The following DYNC1LI1 variants were observed in gnomAD, a reference collection of about 807,000 sequenced individuals.
DYNC1LI1 encodes the protein cytoplasmic dynein 1 light intermediate chain 1.
A neutral mutation model predicts 63.8 loss-of-function variants in DYNC1LI1; 19 were observed. The ratio of observed to expected loss-of-function variants is 0.30; its 90% CI spans 0.21 to 0.44. DYNC1LI1 has a LOEUF of 0.44. DYNC1LI1 is among the 20% of genes least tolerant of loss of function. DYNC1LI1 has a pLI of 1.00. For synonymous variants in DYNC1LI1, 225 were observed against 232.3 expected, an observed-to-expected ratio of 0.97 and a Z score of 0.28; for missense variants, 565 against 630.2, an observed-to-expected ratio of 0.90 and a Z score of 1.11.
At position 32,552,730 on chromosome 3, in the gene DYNC1LI1, G is replaced by A. The variant is rs181780354; in HGVS notation, c.221-6765C>T. Reference sequence around the variant, plus strand: ...TTGTTGTTGTTGTTGTCGTTGAGACGGAGTCTCCCTCTTTCGCCAGGCTGG... The same window carrying A: ...TTGTTGTTGTTGTTGTCGTTGAGACAGAGTCTCCCTCTTTCGCCAGGCTGG... On this transcript the variant is annotated intron_variant, in intron 2 of 12. Transcript: ENST00000273130. Among the ~76,000 whole-genome samples, 7 of 152,194 alleles carry A rather than the reference G, an allele frequency of 4.6e-5. No individual in the cohort carries two copies. In the East Asian group the frequency reaches 9.6e-4, roughly 21 times the overall value.
Position 32,570,648 on chromosome 3 carries a change from G to A in DYNC1LI1, c.123C>T (p.Asp41=). 6.3e-7 allele frequency: 1 copy of A among 1,592,790 alleles called. No individual in the cohort carries two copies. Among genetic ancestry groups the A allele is most frequent in the Non-Finnish European group, 8.5e-7 (1 of 1,170,332 alleles). ...ASGNGGAAAG[D]DEDGQNLWSC... is the part of the protein sequence containing the mutation. ...ACCAAAGGTTCTGCCCGTCCTCGTC[G>A]TCGCCTGCCGCGGCGCCACCGTTGC... is the stretch of plus-strand genomic sequence containing the variant. Residue 41 remains aspartate, a synonymous_variant, in exon 1 of 13, where the codon GAC becomes GAT. Transcript: ENST00000273130.
At position 32,570,801 on chromosome 3, in the gene DYNC1LI1, G is replaced by T; in HGVS notation, c.-31C>A. On this transcript the variant is annotated 5_prime_UTR_variant, in exon 1 of 13. Coordinates refer to ENST00000273130, the MANE Select transcript of DYNC1LI1 (RefSeq NM_016141.4). ...TCGGGAATCACACCACTCCCGGCAA[G>T]ACTAAATGTGCGAGGCGGCTGAGGC... The T allele has an allele frequency of 6.3e-7, 1 of 1,589,096 alleles. No homozygotes were observed. Among genetic ancestry groups the T allele is most frequent in the Non-Finnish European group, 8.6e-7 (1 of 1,165,562 alleles).
At chr3:32,529,695 CT>C in intron 10 of DYNC1LI1, 35 bp from the exon 11 acceptor site, 1 of 1,531,960 alleles carries the variant, frequency 6.5e-7, no homozygotes. Context: ...TTATAAAAAC[CT>C]GAAACTTTCA....
Position 32,534,718 on chromosome 3 carries a change from G to C in DYNC1LI1, c.833-72C>G, listed in dbSNP as rs1034681843. On this transcript the variant is annotated intron_variant, in intron 6 of 12. Coordinates refer to ENST00000273130, the MANE Select transcript of DYNC1LI1 (RefSeq NM_016141.4). ...AATACCATAAAATTCTGTGTTTTCA[G>C]CTTAACTTTTATTTCTATGCATTTT... is the stretch of plus-strand genomic sequence containing the variant. 4.0e-6 allele frequency: 5 copies of C among 1,249,834 alleles called. No individual in the cohort carries two copies. The African/African-American group carries it at 4.6e-5, about 12-fold the overall frequency. The allele number at this position is 1,249,834 out of a possible 1,614,324, so 77.4% of individuals were successfully genotyped here.
At chr3:32,527,010 T>C (rs1371196789) in intron 12 of DYNC1LI1, 102 bp from the exon 13 acceptor site, 1 of 763,912 alleles carries the variant, frequency 1.3e-6, no homozygotes, top group Non-Finnish European at 2.1e-6. Context: ...TTTCATTAAC[T>C]TTATTTAGCA....
At position 32,545,417 on chromosome 3, in the gene DYNC1LI1, C is replaced by G. The variant is rs574324795; in HGVS notation, c.338-311G>C. ...CATAACTTGTTTATGTTTTTACCAT[C>G]AGCAGATAGAGATATGCATACTCAA... On this transcript the variant is annotated intron_variant, in intron 3 of 12. Coordinates refer to ENST00000273130, the MANE Select transcript of DYNC1LI1 (RefSeq NM_016141.4). 6.1e-4 allele frequency: 247 copies of G among 402,906 alleles called. 5 individuals are homozygous for G. The South Asian group carries it at 7.2e-3, about 12-fold the overall frequency. 25.0% of individuals were successfully genotyped at this position (402,906 alleles called of 1,614,324 possible).
intron 2 of DYNC1LI1, among the ~76,000 whole-genome samples, chr3:32,550,581 T>C (rs1045226428): frequency 6.6e-6 from 1 of 152,204 alleles, no homozygotes; most frequent in Non-Finnish European, 1.5e-5. Context: ...CAGAGTTTAT[T>C]CCTCTCTGTG....
chr3:32,529,776 C>T, intron 10 of DYNC1LI1, 116 bp from the exon 11 acceptor site: 1 of 847,152 alleles, frequency 1.2e-6, no homozygotes, highest in Non-Finnish European at 1.7e-6. Flanking sequence ...GGTACTTTTA[C>T]ACTGCAAGCC....
intron 5 of DYNC1LI1, chr3:32,537,319 C>A: frequency 3.6e-6 from 1 of 275,526 alleles, no homozygotes; most frequent in Non-Finnish European, 6.7e-6. Context: ...TTAACTTCAA[C>A]GTTAATGTTA....
intron 1 of DYNC1LI1, 35 bp from the exon 2 acceptor site, chr3:32,570,454 G>A: frequency 5.8e-6 from 9 of 1,555,784 alleles, no homozygotes; most frequent in Non-Finnish European, 7.8e-6. Flanking sequence ...GAGGCCGGAG[G>A]CCGGAGCCGC....
At chr3:32,555,555 CTT>C (rs1440493829) in intron 2 of DYNC1LI1, among the ~76,000 whole-genome samples, 5 of 152,292 alleles carry the variant, frequency 3.3e-5, no homozygotes, top group Admixed American at 3.3e-4. Flanking sequence ...AGGCACAAAA[CTT>C]AACATTTGGC....
At chr3:32,546,047 C>A (rs1295460391) in intron 2 of DYNC1LI1, 82 bp from the exon 3 acceptor site, 4 of 903,728 alleles carry the variant, frequency 4.4e-6, no homozygotes, top group Non-Finnish European at 6.8e-6. Context: ...AGTGAAAAAC[C>A]CAACTGGAAC....
intron 3 of DYNC1LI1, 39 bp from the exon 4 acceptor site, chr3:32,545,145 T>C: frequency 7.2e-7 from 1 of 1,379,908 alleles, no homozygotes; most frequent in Non-Finnish European, 1.0e-6. Flanking sequence ...GCAACAAGAT[T>C]AAGTCATTTC....
chr3:32,536,458 T>G (rs1180434286), intron 6 of DYNC1LI1, among the ~76,000 whole-genome samples: 1 of 152,206 alleles, frequency 6.6e-6, no homozygotes, highest in African/African-American at 2.4e-5. Context: ...CTGGCTCACC[T>G]AATCCTTGCA....
At chr3:32,549,535 C>T (rs922340303) in intron 2 of DYNC1LI1, among the ~76,000 whole-genome samples, 9 of 151,962 alleles carry the variant, frequency 5.9e-5, no homozygotes, top group Non-Finnish European at 1.3e-4. Context: ...CAATGTTTTG[C>T]ACTGTAAGTA....
At chr3:32,555,325 G>T (rs746222886) in intron 2 of DYNC1LI1, among the ~76,000 whole-genome samples, 3 of 152,164 alleles carry the variant, frequency 2.0e-5, no homozygotes, top group Non-Finnish European at 4.4e-5. Flanking sequence ...CTGACATGAT[G>T]TGTCTTGATG....
chr3:32,562,648 C>T (rs1256863759), intron 2 of DYNC1LI1, among the ~76,000 whole-genome samples: 1 of 152,146 alleles, frequency 6.6e-6, no homozygotes, highest in Non-Finnish European at 1.5e-5. Context: ...ATCTTCTTAC[C>T]TTTTTTTAAA....
chr3:32,567,703 C>CT lies in DYNC1LI1; in HGVS notation c.220+2642dup, dbSNP rs749073673. ...ACAGGCATGCACCATCATACCCGGC[C>CT]TTTTTTTTTTTTTTTTTTGAGACAG... On this transcript the variant is annotated intron_variant, in intron 2 of 12. Coordinates refer to ENST00000273130, the MANE Select transcript of DYNC1LI1 (RefSeq NM_016141.4). 9.1e-3 allele frequency among the ~76,000 whole-genome samples: 1,112 copies of CT among 122,110 alleles called. 9 individuals carry two copies. The highest frequency in any genetic ancestry group is 0.017 in the African/African-American group (571 of 32,870). 80.1% of individuals were successfully genotyped at this position (122,110 alleles called of 152,430 possible). A position where few individuals can be genotyped will look rare whatever the true frequency, so the allele number is the denominator to read the frequency against.
intron 2 of DYNC1LI1, among the ~76,000 whole-genome samples, chr3:32,568,703 C>T (rs1698302336): frequency 6.6e-6 from 1 of 152,064 alleles, no homozygotes; most frequent in African/African-American, 2.4e-5. Flanking sequence ...ACAGAATCAT[C>T]TACACAATAT....
Sources: allele counts gnomAD v4.1 joint callset (sites outside exome capture counted in the v4.1 genomes callset), GRCh38; gene constraint gnomAD v4.1.1; transcripts MANE v1.5; gene names NCBI Gene and HGNC (gene_info 2026-07-23, HGNC 2026-07-21).